ZNF45: variants seen among roughly 807,000 people sequenced by gnomAD.
ZNF45 encodes the protein zinc finger protein 45.
ZNF45 carries 4 observed loss-of-function variants against 12.0 expected under a neutral mutation model. The ratio of observed to expected loss-of-function variants is 0.33; its 90% CI spans 0.16 to 0.76. The LOEUF is 0.76. ZNF45 is among the 30% of genes least tolerant of loss of function. The probability of loss-of-function intolerance (pLI) is 0.60; values close to 1 mark genes in which losing one functional copy is unlikely to be tolerated. For missense variants in ZNF45, 700 were observed against 813.0 expected (o/e 0.86, Z 1.69); for synonymous variants, 272 against 279.6 (o/e 0.97, Z 0.27).
At chr19:43,919,437 TA>T in intron 8 of ZNF45, 135 bp downstream of exon 8, 1 of 1,127,020 alleles carries the variant, frequency 8.9e-7, no homozygotes, top group Non-Finnish European at 1.2e-6. Context: ...AGAAAGACTT[TA>T]AAAATTCCAT....
chr19:43,916,011 G>T (rs1024950703), intron 9 of ZNF45, among the ~76,000 whole-genome samples: 3 of 152,154 alleles, frequency 2.0e-5, no homozygotes, highest in Middle Eastern at 3.2e-3. Context: ...CACCAGGGGG[G>T]TTTCACCATG....
chr19:43,914,809 G>C lies in ZNF45; in HGVS notation c.627C>G (p.Ala209=), dbSNP rs10414979. The change falls in exon 10 of 10, where the codon GCC becomes GCG. Residue 209 remains alanine, a synonymous_variant. Coordinates refer to ENST00000269973, the MANE Select transcript of ZNF45 (RefSeq NM_003425.4). ...NAFRRFSSLQ[A]HQRVHSRAKS... ...TTGCTCTACTGTGGACTCTCTGATG[G>C]GCTTGAAGACTTGAAAACCGACGGA... The C allele has an allele frequency of 6.0e-4, 960 of 1,613,068 alleles. 7 individuals are homozygous for C. The African/African-American group carries it at 0.01, about 17-fold the overall frequency.
intron 2 of ZNF45, among the ~76,000 whole-genome samples, chr19:43,933,948 A>G (rs1300026515): frequency 6.6e-6 from 1 of 152,228 alleles, no homozygotes; most frequent in Non-Finnish European, 1.5e-5. Flanking sequence ...AATCTTCTAC[A>G]GTAAAATTCC....
At chr19:43,922,820 G>GGTT (rs1555747285) in intron 6 of ZNF45, among the ~76,000 whole-genome samples, 1 of 86,506 alleles carries the variant, frequency 1.2e-5, no homozygotes, top group East Asian at 3.6e-4. Context: ...TAAATTCTTT[G>GGTT]TTTTTTTTTT....
intron 3 of ZNF45, chr19:43,926,680 G>A (rs924096932): frequency 2.6e-5 from 4 of 152,180 alleles, no homozygotes; most frequent in African/African-American, 7.2e-5. Context: ...ATCCTTTAGC[G>A]GCATGAGGAA....
Position 43,915,031 on chromosome 19 carries a change from T to A in ZNF45, c.405A>T (p.Arg135=). 2 of 1,610,934 alleles carry A rather than the reference T, an allele frequency of 1.2e-6. No individual in the cohort carries two copies. The highest frequency in any genetic ancestry group is 1.7e-6 in the Non-Finnish European group (2 of 1,178,642). ...IQRTGCQLEK[R]DDLHYKDEGF... is the part of the protein sequence containing the mutation. ...CCTCATCTTTATAGTGCAAATCATC[T>A]CGTTTTTCCAACTGGCAGCCTGTTC... Residue 135 remains arginine, a synonymous_variant, in exon 10 of 10, where the codon CGA becomes CGT. Coordinates refer to ENST00000269973, the MANE Select transcript of ZNF45 (RefSeq NM_003425.4).
At chr19:43,915,587 C>T (rs371124921) in intron 9 of ZNF45, among the ~76,000 whole-genome samples, 39 of 152,330 alleles carry the variant, frequency 2.6e-4, no homozygotes, top group Admixed American at 2.5e-3. Flanking sequence ...AGGAGGTGAG[C>T]GGGAGGCCAG....
In ZNF45 at chr19:43,919,685, G is replaced by A. The variant is rs1168200350; in HGVS notation, c.30C>T (p.Phe10=). The part of the protein sequence containing the change: MTKSKEAVT[F]KDVAVVFSEE... The stretch of plus-strand genomic sequence containing the variant: ...CAGAGAAGACCACAGCCACGTCCTT[G>A]AATGTCACTGCCTCCTACAACATCA... The change falls in exon 8 of 10, where the codon TTC becomes TTT. Residue 10 remains phenylalanine, a synonymous_variant. Coordinates refer to ENST00000269973, the MANE Select transcript of ZNF45 (RefSeq NM_003425.4). 8 of 1,611,800 alleles carry A rather than the reference G, an allele frequency of 5.0e-6. No homozygotes were observed. The East Asian group carries it at 1.8e-4, about 36-fold the overall frequency.
rs2146716934 is a variant in ZNF45, at chr19:43,914,604, A to G, written c.832T>C (p.Cys278Arg). 1 of 1,613,680 alleles carries G rather than the reference A, an allele frequency of 6.2e-7. No individual in the cohort carries two copies. Among genetic ancestry groups the G allele is most frequent in the African/African-American group, 1.3e-5 (1 of 75,030 alleles). Residue 278 changes from cysteine (C) to arginine (R), a missense_variant, in exon 10 of 10, where the codon TGT (cysteine) becomes CGT (arginine). Coordinates refer to ENST00000269973, the MANE Select transcript of ZNF45 (RefSeq NM_003425.4). ...CTGAAGCCCACCCCACACTCCTCAC[A>G]TTTATAGGGTTTCTCTCCCGTATGA... ...IVHTGEKPYK[C>R]EECGVGFSQR...
intron 6 of ZNF45, 131 bp from the exon 7 acceptor site, chr19:43,922,348 T>C: frequency 1.7e-6 from 1 of 591,994 alleles, no homozygotes; most frequent in Non-Finnish European, 2.9e-6. Flanking sequence ...TGTTCCTTCC[T>C]CGGGCTGGCT....
intron 2 of ZNF45, among the ~76,000 whole-genome samples, chr19:43,933,911 A>G (rs923198262): frequency 3.9e-5 from 6 of 152,248 alleles, no homozygotes; most frequent in South Asian, 2.1e-4. Context: ...AAAATTTTCT[A>G]AAGTCTAAAC....
intron 7 of ZNF45, among the ~76,000 whole-genome samples, chr19:43,921,117 C>A (rs960264349): frequency 1.6e-4 from 24 of 152,164 alleles, no homozygotes; most frequent in Non-Finnish European, 1.0e-4. Context: ...GTGGAGAATT[C>A]TTTTTCTTTG....
chr19:43,914,321 C>T lies in ZNF45; in HGVS notation c.1115G>A (p.Gly372Asp), dbSNP rs1972456251. The change falls in exon 10 of 10, where the codon GGT becomes GAT. Residue 372 changes from glycine (G) to aspartate (D), a missense_variant. Gly to Asp is a moderately conservative substitution (Grantham distance 94). Coordinates refer to ENST00000269973, the MANE Select transcript of ZNF45 (RefSeq NM_003425.4). ...CEECGKGFSV[G>D]SHLQAHQISH... ...TATCTGATGGGCCTGAAGGTGTGAA[C>T]CCACACTGAAACCTTTCCCACACTC... 3.1e-6 allele frequency: 5 copies of T among 1,611,948 alleles called. No homozygotes were observed. The highest frequency in any genetic ancestry group is 4.2e-6 in the Non-Finnish European group (5 of 1,179,036).
At chr19:43,918,989 A>G in intron 8 of ZNF45, 27 bp from the exon 9 acceptor site, 3 of 1,595,828 alleles carry the variant, frequency 1.9e-6, no homozygotes, top group Non-Finnish European at 2.6e-6. Context: ...ACATAGGTTT[A>G]TAATTAATAC....
intron 3 of ZNF45, among the ~76,000 whole-genome samples, chr19:43,929,331 G>A (rs1010308661): frequency 9.2e-5 from 14 of 152,322 alleles, no homozygotes; most frequent in South Asian, 2.1e-4. Flanking sequence ...ATCCCTGCCC[G>A]CCTAGTTCCT....
intron 9 of ZNF45, 23 bp downstream of exon 9, chr19:43,918,847 C>T: frequency 6.2e-7 from 1 of 1,601,760 alleles, no homozygotes; most frequent in African/African-American, 1.3e-5. Flanking sequence ...GAAAAATGTC[C>T]AGCAGCCCCA....
Position 43,914,786 on chromosome 19 carries a change from G to A in ZNF45, c.650C>T (p.Ala217Val). Residue 217 changes from alanine (A) to valine (V), a missense_variant, in exon 10 of 10, where the codon GCA (alanine) becomes GTA (valine). Transcript: ENST00000269973. ...LQAHQRVHSR[A>V]KSYTNDASYR... ...ACTTGCATCATTTGTGTATGATTTT[G>A]CTCTACTGTGGACTCTCTGATGGGC... 2 of 1,614,072 alleles carry A rather than the reference G, an allele frequency of 1.2e-6. No homozygotes were observed. Among genetic ancestry groups the A allele is most frequent in the Non-Finnish European group, 1.7e-6 (2 of 1,180,016 alleles).
At chr19:43,922,832 T>TC (rs1247820816) in intron 6 of ZNF45, among the ~76,000 whole-genome samples, 17 of 142,626 alleles carry the variant, frequency 1.2e-4, no homozygotes, top group Non-Finnish European at 2.0e-4. Context: ...TTTTTTTTTT[T>TC]TTTTTTTTTT....
Position 43,922,258 on chromosome 19 carries a change from G to T in ZNF45, c.-32-41C>A, listed in dbSNP as rs1973248724. ...GAAAACATGAGGGAAGGAGAAAAAA[G>T]CCATGAGAGTTTGGCCAAAAAAAAA... On this transcript the variant is annotated intron_variant, in intron 6 of 9. Coordinates refer to ENST00000269973, the MANE Select transcript of ZNF45 (RefSeq NM_003425.4). 1.8e-5 allele frequency: 26 copies of T among 1,427,796 alleles called. No homozygotes were observed. In the South Asian group the frequency reaches 3.3e-4, roughly 18 times the overall value. 88.4% of individuals were successfully genotyped at this position (1,427,796 alleles called of 1,614,324 possible). A position where few individuals can be genotyped will look rare whatever the true frequency, so the allele number is the denominator to read the frequency against.
Sources: gnomAD v4.1 joint callset for allele counts (sites outside exome capture counted in the v4.1 genomes callset) on GRCh38, gnomAD v4.1.1 for gene constraint, MANE v1.5 for transcripts, NCBI Gene and HGNC (gene_info 2026-07-23, HGNC 2026-07-21) for gene names.